The following OPN5 variants were observed in gnomAD, a reference collection of about 807,000 sequenced individuals.
OPN5 encodes the protein opsin 5.
A neutral mutation model predicts 41.7 loss-of-function variants in OPN5; 18 were observed. That is an observed-to-expected ratio of 0.43 (90% CI 0.30 to 0.64). The LOEUF is 0.64. Among genes scored for constraint, OPN5 ranks in the 30% least tolerant of loss-of-function variants. The pLI is 0.13. For synonymous variants in OPN5, 178 were observed against 164.3 expected, an observed-to-expected ratio of 1.08 and a Z score of -0.64; for missense variants, 318 against 434.5, an observed-to-expected ratio of 0.73 and a Z score of 2.38.
intron 1 of OPN5, 60 bp downstream of exon 1, chr6:47,782,256 G>C (rs1002480310): frequency 6.5e-6 from 10 of 1,540,728 alleles, no homozygotes; most frequent in African/African-American, 2.7e-5. Context: ...GGGCTGATAT[G>C]TTAATTTTGT....
intron 6 of OPN5, 36 bp downstream of exon 6, chr6:47,811,767 G>T: frequency 7.1e-7 from 1 of 1,415,660 alleles, no homozygotes; most frequent in Non-Finnish European, 1.0e-6. Flanking sequence ...ATGGACACTC[G>T]TATTCACTTA....
intron 2 of OPN5, among the ~76,000 whole-genome samples, chr6:47,790,391 C>T (rs772399410): frequency 4.2e-4 from 63 of 151,786 alleles, no homozygotes; most frequent in Non-Finnish European, 6.9e-4. Context: ...CTTCAGGGGA[C>T]ACTCTCTCTC....
chr6:47,803,040 G>A (rs1773834328), intron 4 of OPN5, among the ~76,000 whole-genome samples: 1 of 152,144 alleles, frequency 6.6e-6, no homozygotes, highest in Non-Finnish European at 1.5e-5. Context: ...CACCAAAGAT[G>A]TCAGAAATTT....
At chr6:47,792,469 T>C (rs532799216) in intron 3 of OPN5, among the ~76,000 whole-genome samples, 1 of 152,324 alleles carries the variant, frequency 6.6e-6, no homozygotes, top group South Asian at 2.1e-4. Flanking sequence ...AGGACACACA[T>C]GTAGAAATAT....
At chr6:47,783,380 C>G (rs1383405271) in intron 1 of OPN5, among the ~76,000 whole-genome samples, 1 of 152,106 alleles carries the variant, frequency 6.6e-6, no homozygotes, top group Non-Finnish European at 1.5e-5. Context: ...TTCTCTTCCA[C>G]CCTTCTTCCC....
At chr6:47,820,934 T>C (rs1309830317) in intron 6 of OPN5, among the ~76,000 whole-genome samples, 1 of 152,204 alleles carries the variant, frequency 6.6e-6, no homozygotes, top group African/African-American at 2.4e-5. Flanking sequence ...ACATATTTTA[T>C]ATGTTATATG....
chr6:47,818,248 A>C (rs143675227), intron 6 of OPN5, among the ~76,000 whole-genome samples: 1 of 152,190 alleles, frequency 6.6e-6, no homozygotes, highest in Non-Finnish European at 1.5e-5. Flanking sequence ...TAAATTTGTC[A>C]GCAAGCATGT....
chr6:47,782,463 C>T (rs1231795948), intron 1 of OPN5, among the ~76,000 whole-genome samples: 7 of 152,076 alleles, frequency 4.6e-5, no homozygotes, highest in East Asian at 1.9e-4. Context: ...ATTTTGGTTA[C>T]TTTGGGAGTA....
At chr6:47,818,552 G>A (rs1762500412) in intron 6 of OPN5, among the ~76,000 whole-genome samples, 1 of 152,160 alleles carries the variant, frequency 6.6e-6, no homozygotes, top group African/African-American at 2.4e-5. Flanking sequence ...TCATCCATAG[G>A]ATAATCTCAA....
At chr6:47,786,699 G>A (rs959636802) in intron 2 of OPN5, 65 bp downstream of exon 2, 2 of 1,381,728 alleles carry the variant, frequency 1.4e-6, no homozygotes, top group Non-Finnish European at 2.0e-6. Context: ...AGTACTCACT[G>A]TCTCAAACGT....
intron 3 of OPN5, chr6:47,794,925 GGGCC>G: frequency 3.6e-6 from 1 of 281,390 alleles, no homozygotes; most frequent in Non-Finnish European, 6.7e-6. Flanking sequence ...GTTTTCTCAA[GGGCC>G]TCCATTGTCT....
At chr6:47,817,644 T>C (rs573434143) in intron 6 of OPN5, among the ~76,000 whole-genome samples, 16 of 152,294 alleles carry the variant, frequency 1.1e-4, no homozygotes, top group African/African-American at 3.8e-4. Context: ...CAAGATGACT[T>C]TCCTGCCCAT....
chr6:47,782,071 C>A (rs376934583), exon 1 of OPN5: 2 of 1,613,036 alleles, frequency 1.2e-6, no homozygotes, highest in Non-Finnish European at 8.5e-7. Context: ...AACAGAATGG[C>A]GTTAAATCAC....
chr6:47,790,993 G>A (rs1423596727), intron 2 of OPN5, among the ~76,000 whole-genome samples: 2 of 152,120 alleles, frequency 1.3e-5, no homozygotes, highest in African/African-American at 4.8e-5. Context: ...GCCTTATACA[G>A]GTTCTAAAAG....
intron 4 of OPN5, among the ~76,000 whole-genome samples, chr6:47,798,086 A>G (rs1338082853): frequency 6.6e-6 from 1 of 152,094 alleles, no homozygotes; most frequent in Non-Finnish European, 1.5e-5. Context: ...AGGAATACAT[A>G]TGTGTAATTT....
At chr6:47,782,060 G>A (rs759993517) in exon 1 of OPN5, 2 of 1,612,564 alleles carry the variant, frequency 1.2e-6, no homozygotes, top group Non-Finnish European at 8.5e-7. Context: ...CGTGGTTCGA[G>A]AACAGAATGG....
At chr6:47,821,595 G>A (rs1762624841) in intron 6 of OPN5, among the ~76,000 whole-genome samples, 1 of 152,192 alleles carries the variant, frequency 6.6e-6, no homozygotes, top group African/African-American at 2.4e-5. Flanking sequence ...TTGACTGTGG[G>A]AAAAATATGT....
At chr6:47,810,538 T>A (rs144518326) in intron 5 of OPN5, among the ~76,000 whole-genome samples, 1 of 146,192 alleles carries the variant, frequency 6.8e-6, no homozygotes, top group Admixed American at 6.6e-5. Flanking sequence ...GATTAATCAA[T>A]ATCCTTATTC....
At chr6:47,821,382 T>C (rs1416630625) in intron 6 of OPN5, among the ~76,000 whole-genome samples, 2 of 152,118 alleles carry the variant, frequency 1.3e-5, no homozygotes, top group African/African-American at 4.8e-5. Flanking sequence ...GAAGAGGCAA[T>C]CCCCGATGGA....
Sources: gnomAD v4.1 joint callset for allele counts (sites outside exome capture counted in the v4.1 genomes callset) on GRCh38, gnomAD v4.1.1 for gene constraint, MANE v1.5 for transcripts, NCBI Gene and HGNC (gene_info 2026-07-23, HGNC 2026-07-21) for gene names.